The following CADM1 variants were observed in gnomAD, a reference collection of about 807,000 sequenced individuals.
The protein encoded by CADM1 is cell adhesion molecule 1, also known as TSLC-1.
A neutral mutation model predicts 53.1 loss-of-function variants in CADM1; 15 were observed. The ratio of observed to expected loss-of-function variants is 0.28; its 90% confidence interval spans 0.19 to 0.44. The LOEUF is 0.44. Ranked by LOEUF, CADM1 falls within the 20% of genes least tolerant of loss-of-function variation. The pLI, the probability that CADM1 is intolerant of heterozygous loss-of-function variation, is 1.00. For synonymous variants in CADM1, 281 were observed against 243.0 expected (o/e 1.16, Z -1.45); for missense variants, 434 against 611.3 (o/e 0.71, Z 3.06).
At chr11:115,214,381 C>A in intron 7 of CADM1, 1 of 562,766 alleles carries the variant, frequency 1.8e-6, no homozygotes, top group East Asian at 3.1e-5. Context: ...CTCAGCATGA[C>A]CAAAGACTGT....
At chr11:115,441,442 G>T (rs1460838878) in intron 1 of CADM1, among the ~76,000 whole-genome samples, 2 of 152,130 alleles carry the variant, frequency 1.3e-5, no homozygotes, top group African/African-American at 2.4e-5. Flanking sequence ...ATTTAATAAT[G>T]ATAACTGTAA....
intron 1 of CADM1, chr11:115,339,839 C>T (rs1178791799): frequency 6.6e-6 from 1 of 152,048 alleles, no homozygotes; most frequent in Admixed American, 6.6e-5. Context: ...GACCAGAGAG[C>T]TCGGACACAA....
At chr11:115,390,536 C>T (rs961310623) in intron 1 of CADM1, among the ~76,000 whole-genome samples, 4 of 151,754 alleles carry the variant, frequency 2.6e-5, no homozygotes, top group African/African-American at 9.7e-5. Flanking sequence ...AACACCTGTG[C>T]TTTGAAAAAC....
At chr11:115,379,074 G>A (rs1946511754) in intron 1 of CADM1, among the ~76,000 whole-genome samples, 1 of 152,160 alleles carries the variant, frequency 6.6e-6, no homozygotes. Context: ...CTTACAAACT[G>A]ATTATCAAGT....
At chr11:115,306,305 T>C (rs910774175) in intron 1 of CADM1, among the ~76,000 whole-genome samples, 2 of 152,014 alleles carry the variant, frequency 1.3e-5, no homozygotes, top group Non-Finnish European at 2.9e-5. Flanking sequence ...GTAGGAGCAA[T>C]AGGCCATACT....
At chr11:115,378,262 T>G (rs530422700) in intron 1 of CADM1, among the ~76,000 whole-genome samples, 99 of 152,228 alleles carry the variant, frequency 6.5e-4, no homozygotes, top group African/African-American at 2.2e-3. Context: ...ACAGATCATC[T>G]CCCAGAATGT....
intron 1 of CADM1, among the ~76,000 whole-genome samples, chr11:115,490,547 T>A (rs7924377): frequency 1.3e-5 from 2 of 151,844 alleles, no homozygotes; most frequent in Non-Finnish European, 2.9e-5. Flanking sequence ...TACAGGCGCC[T>A]ACCACCACGC....
chr11:115,416,796 A>G (rs1329862514), intron 1 of CADM1, among the ~76,000 whole-genome samples: 1 of 152,082 alleles, frequency 6.6e-6, no homozygotes, highest in Non-Finnish European at 1.5e-5. Flanking sequence ...ACCAGCTAGT[A>G]AAAAAGGAAA....
In CADM1 at chr11:115,374,452, T is replaced by C. The variant is rs114247953; in HGVS notation, c.124+129819A>G. The stretch of plus-strand genomic sequence containing the variant: ...CATTTGTCTGGCCATTCTATGTATA[T>C]TGCACTTAAGTTAAATGATAAGGGG... On this transcript the variant is annotated intron_variant, in intron 1 of 11. Transcript: ENST00000331581. Among the ~76,000 whole-genome samples the C allele has an allele frequency of 3.5e-3, 530 of 152,290 alleles. 2 individuals are homozygous for C. Among genetic ancestry groups the C allele is most frequent in the African/African-American group, 0.012 (519 of 41,556 alleles).
At chr11:115,411,573 G>C (rs1382381171) in intron 1 of CADM1, among the ~76,000 whole-genome samples, 1 of 152,162 alleles carries the variant, frequency 6.6e-6, no homozygotes, top group Admixed American at 6.5e-5. Context: ...ACCCTGTAGA[G>C]TCTCTGACTG....
intron 4 of CADM1, among the ~76,000 whole-genome samples, chr11:115,230,275 G>A (rs751238933): frequency 1.3e-5 from 2 of 152,014 alleles, no homozygotes; most frequent in Non-Finnish European, 1.5e-5. Flanking sequence ...CATTTCTCAC[G>A]CTCTTTATTT....
intron 1 of CADM1, among the ~76,000 whole-genome samples, chr11:115,312,070 A>G (rs1365452815): frequency 6.6e-6 from 1 of 152,152 alleles, no homozygotes; most frequent in African/African-American, 2.4e-5. Context: ...TCCTACAAGA[A>G]GCTCACAGTC....
At chr11:115,283,567 C>G (rs143779864) in intron 1 of CADM1, among the ~76,000 whole-genome samples, 1 of 152,142 alleles carries the variant, frequency 6.6e-6, no homozygotes, top group Non-Finnish European at 1.5e-5. Flanking sequence ...CTGTTTAAGA[C>G]CCTATAGGGT....
chr11:115,326,446 T>C (rs1565366500), intron 1 of CADM1, among the ~76,000 whole-genome samples: 1 of 152,192 alleles, frequency 6.6e-6, no homozygotes, highest in African/African-American at 2.4e-5. Flanking sequence ...TAAAGTACAA[T>C]GTCCTTCTTG....
At chr11:115,417,778 T>C (rs1490191178) in intron 1 of CADM1, among the ~76,000 whole-genome samples, 1 of 152,194 alleles carries the variant, frequency 6.6e-6, no homozygotes, top group Non-Finnish European at 1.5e-5. Flanking sequence ...TTCTATTTAA[T>C]CTTTTTGGAT....
chr11:115,247,819 C>A (rs1233899867), intron 1 of CADM1, among the ~76,000 whole-genome samples: 2 of 152,208 alleles, frequency 1.3e-5, no homozygotes, highest in East Asian at 1.9e-4. Context: ...TTTTCCACAG[C>A]TATAAGGCCA....
At chr11:115,433,151 C>A (rs1948098690) in intron 1 of CADM1, among the ~76,000 whole-genome samples, 2 of 152,156 alleles carry the variant, frequency 1.3e-5, no homozygotes, top group Admixed American at 1.3e-4. Flanking sequence ...ATCACACACA[C>A]ACTATGAGAC....
At chr11:115,342,655 C>T (rs11215504) in intron 1 of CADM1, among the ~76,000 whole-genome samples, 4,385 of 152,242 alleles carry the variant, frequency 0.029, 91 homozygotes, top group South Asian at 0.052. Context: ...TGAAGTCTTT[C>T]CTGATTTCCC....
chr11:115,190,915 CTGCGGAAT>C lies in CADM1; in HGVS notation c.1130_1137del (p.Asn377ArgfsTer6). ...GAGAGGTCCTCACTGTCCAGTTCTT[CTGCGGAAT>C]TGGGCAACTGAGTAAGGCCTTACAA... is the stretch of plus-strand genomic sequence containing the variant. On this transcript the variant is annotated frameshift_variant, in exon 10 of 12. Coordinates refer to ENST00000331581, the MANE Select transcript of CADM1 (RefSeq NM_001301043.2). LOFTEE classifies it high-confidence loss of function. The C allele has an allele frequency of 6.3e-7, 1 of 1,595,238 alleles. No homozygotes were observed. Among genetic ancestry groups the C allele is most frequent in the South Asian group, 1.1e-5 (1 of 89,992 alleles).
Sources: allele counts gnomAD v4.1 joint callset (sites outside exome capture counted in the v4.1 genomes callset), GRCh38; gene constraint gnomAD v4.1.1; transcripts MANE v1.5; gene names NCBI Gene and HGNC (gene_info 2026-07-23, HGNC 2026-07-21).